KLHL4: variants seen among roughly 807,000 people sequenced by gnomAD.
KLHL4 encodes the protein kelch like family member 4, also known as kelch-like protein 4.
KLHL4 carries 17 observed loss-of-function variants against 45.8 expected under a neutral mutation model. That is an observed-to-expected ratio of 0.37 (90% CI 0.25 to 0.56). The LOEUF (loss-of-function observed/expected upper bound fraction) is 0.56. KLHL4 is among the 20% of genes least tolerant of loss of function. The pLI is 0.79. For missense variants in KLHL4, 544 were observed against 544.9 expected (o/e 1.00, Z 0.02); for synonymous variants, 224 against 189.9 (o/e 1.18, Z -1.47).
chrX:87,552,636 A>C (rs746341093), intron 1 of KLHL4, among the ~76,000 whole-genome samples: 49 of 110,931 alleles, frequency 4.4e-4, no homozygotes, highest in African/African-American at 1.5e-3. Flanking sequence ...CAATTGCAAA[A>C]TTATGGAATG....
intron 1 of KLHL4, among the ~76,000 whole-genome samples, chrX:87,533,172 A>G (rs1450370135): frequency 8.2e-5 from 9 of 110,233 alleles, no homozygotes; most frequent in African/African-American, 3.0e-4. Flanking sequence ...TAGAACTAGA[A>G]ATACCATTTG....
chrX:87,531,555 G>T (rs1433270089), intron 1 of KLHL4, among the ~76,000 whole-genome samples: 1 of 107,701 alleles, frequency 9.3e-6, no homozygotes, highest in East Asian at 3.0e-4. Context: ...CCTGTTTGCA[G>T]ATGACATGAT....
intron 3 of KLHL4, among the ~76,000 whole-genome samples, chrX:87,617,298 G>T (rs1982924872): frequency 9.3e-6 from 1 of 107,977 alleles, no homozygotes; most frequent in Non-Finnish European, 1.9e-5. Flanking sequence ...AGTGCCAGGG[G>T]TCAATTCTAG....
Position 87,573,212 on chromosome X carries a change from G to A in KLHL4, c.423-40665G>A, listed in dbSNP as rs1490024558. Among the ~76,000 whole-genome samples the A allele has an allele frequency of 5.4e-5, 6 of 111,227 alleles. No individual in the cohort carries two copies. In the South Asian group the frequency reaches 1.5e-3, roughly 28 times the overall value. ...GGAGTTGTTACATTAGTATCACTTGGTGAAATTTTCGAAAAGCACAGATCC... is the reference window on the plus strand; with the variant it reads ...GGAGTTGTTACATTAGTATCACTTGATGAAATTTTCGAAAAGCACAGATCC... On this transcript the variant is annotated intron_variant, in intron 1 of 10. Coordinates refer to ENST00000373119, the MANE Select transcript of KLHL4 (RefSeq NM_019117.5).
At chrX:87,572,816 A>G (rs1440088297) in intron 1 of KLHL4, among the ~76,000 whole-genome samples, 2 of 72,684 alleles carry the variant, frequency 2.8e-5, no homozygotes, top group East Asian at 1.6e-3. Context: ...ACTAGGAAGG[A>G]AAACTTAAAA....
intron 1 of KLHL4, among the ~76,000 whole-genome samples, chrX:87,583,977 T>C (rs187877531): frequency 1.6e-4 from 18 of 111,434 alleles, no homozygotes; most frequent in African/African-American, 9.8e-5. Context: ...GGTGCTTGTG[T>C]CATTTCACCT....
intron 1 of KLHL4, among the ~76,000 whole-genome samples, chrX:87,539,900 G>A (rs891754619): frequency 2.7e-5 from 3 of 110,903 alleles, no homozygotes; most frequent in African/African-American, 9.8e-5. Context: ...AGGCAATTTT[G>A]TCTTCGTCTG....
At chrX:87,651,737 C>T (rs747786134) in intron 9 of KLHL4, among the ~76,000 whole-genome samples, 76 of 112,256 alleles carry the variant, frequency 6.8e-4, no homozygotes, top group Admixed American at 1.7e-3. Flanking sequence ...CTCCCAGGTG[C>T]TTTCACAGAC....
intron 9 of KLHL4, among the ~76,000 whole-genome samples, chrX:87,662,046 T>C (rs1460710580): frequency 8.9e-6 from 1 of 111,856 alleles, no homozygotes; most frequent in Non-Finnish European, 1.9e-5. Context: ...GTGAGTATGG[T>C]TGTTTTATTT....
chrX:87,519,011 T>G (rs34380497), intron 1 of KLHL4, among the ~76,000 whole-genome samples: 2 of 110,907 alleles, frequency 1.8e-5, no homozygotes, highest in African/African-American at 6.5e-5. Flanking sequence ...AGTTTGGGTA[T>G]AGTTCATAAA....
intron 1 of KLHL4, among the ~76,000 whole-genome samples, chrX:87,572,954 T>C (rs191116120): frequency 1.8e-5 from 2 of 111,600 alleles, no homozygotes; most frequent in Non-Finnish European, 3.8e-5. Flanking sequence ...GACAATTTAT[T>C]TGGTTAATCT....
chrX:87,589,256 A>C (rs943962609), intron 1 of KLHL4, among the ~76,000 whole-genome samples: 6 of 112,055 alleles, frequency 5.4e-5, no homozygotes, highest in African/African-American at 1.6e-4. Context: ...GATGTTCCTC[A>C]ATCAACTAAA....
intron 9 of KLHL4, among the ~76,000 whole-genome samples, chrX:87,653,075 GA>G (rs1253404474): frequency 1.8e-5 from 2 of 111,639 alleles, no homozygotes; most frequent in East Asian, 5.7e-4. Context: ...AACAGTATGG[GA>G]AAAACTGCCG....
chrX:87,606,496 A>G (rs1922202361), intron 1 of KLHL4, among the ~76,000 whole-genome samples: 1 of 111,765 alleles, frequency 8.9e-6, no homozygotes, highest in African/African-American at 3.2e-5. Flanking sequence ...AAAATATGGA[A>G]ATAAAATCAG....
intron 1 of KLHL4, among the ~76,000 whole-genome samples, chrX:87,581,354 C>T (rs1921272596): frequency 8.9e-6 from 1 of 112,423 alleles, no homozygotes; most frequent in Non-Finnish European, 1.9e-5. Flanking sequence ...AGCACAGCTG[C>T]TCTCCGCAAA....
chrX:87,634,122 C>A (rs1175998558), intron 8 of KLHL4, among the ~76,000 whole-genome samples: 3 of 111,667 alleles, frequency 2.7e-5, no homozygotes, highest in African/African-American at 9.8e-5. Context: ...CCTTGCTAAT[C>A]AAGGTGTGGT....
rs1220927812 is a variant in KLHL4 at position 87,669,571 on chromosome X, T to G, written c.*3037T>G. The G allele has an allele frequency of 9.0e-6, 4 of 443,300 alleles. No individual in the cohort carries two copies. Among genetic ancestry groups the G allele is most frequent in the Non-Finnish European group, 1.4e-5 (4 of 292,173 alleles). 36.5% of individuals were successfully genotyped at this position (443,300 alleles called of 1,213,427 possible). Reference sequence around the variant, plus strand: ...TTTATTTTAAGTTCTCTAACAAGACTCCTACCTTGAGATCTTAGTCTAGGT... The same window carrying G: ...TTTATTTTAAGTTCTCTAACAAGACGCCTACCTTGAGATCTTAGTCTAGGT... On this transcript the variant is annotated 3_prime_UTR_variant, in exon 11 of 11. Transcript: ENST00000373119.
chrX:87,553,126 A>T (rs1035017892), intron 1 of KLHL4, among the ~76,000 whole-genome samples: 1 of 110,676 alleles, frequency 9.0e-6, no homozygotes, highest in African/African-American at 3.3e-5. Flanking sequence ...AAGTAATATT[A>T]AAAAATGATA....
chrX:87,605,361 C>T (rs1257467968), intron 1 of KLHL4, among the ~76,000 whole-genome samples: 1 of 110,740 alleles, frequency 9.0e-6, no homozygotes, highest in East Asian at 2.8e-4. Context: ...GGTAGTATGG[C>T]CATTTGAGAA....
Sources: allele counts gnomAD v4.1 joint callset (sites outside exome capture counted in the v4.1 genomes callset), GRCh38; gene constraint gnomAD v4.1.1; transcripts MANE v1.5; gene names NCBI Gene and HGNC (gene_info 2026-07-23, HGNC 2026-07-21).